SRRT: variants seen among roughly 807,000 people sequenced by gnomAD.
The protein encoded by SRRT is serrate, RNA effector molecule.
SRRT carries 32 observed loss-of-function variants against 103.2 expected under a neutral mutation model. The ratio of observed to expected loss-of-function variants is 0.31; its 90% confidence interval spans 0.23 to 0.42. The LOEUF is 0.42. Ranked by LOEUF, SRRT falls within the 10% of genes least tolerant of loss-of-function variation. SRRT has a pLI of 1.00. For missense variants in SRRT, 986 were observed against 1,207.5 expected, an observed-to-expected ratio of 0.82 and a Z score of 2.72; for synonymous variants, 525 against 449.0, an observed-to-expected ratio of 1.17 and a Z score of -2.14.
In SRRT at chr7:100,885,200, C is replaced by A. The variant is rs202124328; in HGVS notation, c.1160-13C>A. On this transcript the variant is annotated splice_polypyrimidine_tract_variant and intron_variant, in intron 9 of 19. Coordinates refer to ENST00000611405, the MANE Select transcript of SRRT (RefSeq NM_015908.6). The surrounding 1 kb of genome is among the most constrained non-coding windows in gnomAD (Gnocchi z 4.8). ...AAATGCACCAACTCCTTCCTACCCC[C>A]CTTCCTGCCTAGAAGAAGCGCTCAA... 1.1e-5 allele frequency: 17 copies of A among 1,611,576 alleles called. No individual in the cohort carries two copies. The highest frequency in any genetic ancestry group is 8.0e-5 in the African/African-American group (6 of 74,810).
chr7:100,880,801 T>A, intron 2 of SRRT: 1 of 342,972 alleles, frequency 2.9e-6, no homozygotes, highest in Non-Finnish European at 6.0e-6. Context: ...GTGATTCATG[T>A]GGGTCTGGAG....
chr7:100,879,608 A>G (rs1448748260), intron 2 of SRRT, among the ~76,000 whole-genome samples: 1 of 152,156 alleles, frequency 6.6e-6, no homozygotes, highest in African/African-American at 2.4e-5. Flanking sequence ...GTTTTGGAAC[A>G]TTTCGTTTTA....
Position 100,885,634 on chromosome 7 carries a change from G to C in SRRT, c.1318-67G>C. 2 of 1,504,956 alleles carry C rather than the reference G, an allele frequency of 1.3e-6. No homozygotes were observed. The highest frequency in any genetic ancestry group is 1.8e-6 in the Non-Finnish European group (2 of 1,101,830). The allele number at this position is 1,504,956 out of a possible 1,614,324, so 93.2% of individuals were successfully genotyped here. On this transcript the variant is annotated intron_variant, in intron 10 of 19. Coordinates refer to ENST00000611405, the MANE Select transcript of SRRT (RefSeq NM_015908.6). The surrounding 1 kb of genome is among the most constrained non-coding windows in gnomAD (Gnocchi z 4.8). ...TAGTCCCTAGGGTTCTGAGGGCAGT[G>C]GGGGATTGGAGGAAGAAGCGAATGA...
intron 1 of SRRT, 30 bp from the exon 2 acceptor site, chr7:100,875,543 C>T: frequency 6.2e-7 from 1 of 1,610,852 alleles, no homozygotes; most frequent in African/African-American, 1.3e-5. Flanking sequence ...TCCTTTTGCA[C>T]CACTCCTACC....
intron 5 of SRRT, chr7:100,883,155 T>G (rs1282162988): frequency 6.6e-6 from 1 of 152,532 alleles, no homozygotes. Flanking sequence ...GTGGTTCTGT[T>G]CTGTCTTCGC....
At chr7:100,881,851 G>T in intron 4 of SRRT, 46 bp downstream of exon 4, 1 of 1,550,160 alleles carries the variant, frequency 6.5e-7, no homozygotes, top group East Asian at 2.2e-5. Flanking sequence ...CCTGGGGGAT[G>T]GATGGGGTTG....
Position 100,875,289 on chromosome 7 carries a change from C to T in SRRT, c.-58C>T, listed in dbSNP as rs1316891029. On this transcript the variant is annotated 5_prime_UTR_variant, in exon 1 of 20. Transcript: ENST00000611405. ...CGACCCAGGTCGCCCTGAAATCTAG[C>T]CCGTCCGAGCGCGAGTCCAACGGCC... 2.2e-6 allele frequency: 2 copies of T among 918,338 alleles called. No individual in the cohort carries two copies. Among genetic ancestry groups the T allele is most frequent in the Non-Finnish European group, 2.8e-6 (2 of 703,316 alleles). 56.9% of individuals were successfully genotyped at this position (918,338 alleles called of 1,614,324 possible).
chr7:100,887,359 C>T lies in SRRT; in HGVS notation c.2015C>T (p.Pro672Leu), dbSNP rs1478376560. ...AAGACTTTTGAGGAGAAGCTCACGC[C>T]GTTGCTGAGTGTGCGGGAGTCACTC... ...WQKTFEEKLT[P>L]LLSVRESLSE... The change falls in exon 16 of 20, where the codon CCG becomes CTG. Residue 672 changes from proline to leucine, a missense_variant. By Grantham distance (98) the Pro-to-Leu change is moderately conservative. This residue lies in a region of SRRT where 349 missense variants were observed against 446.9 expected (regional missense o/e 0.78). Coordinates refer to ENST00000611405, the MANE Select transcript of SRRT (RefSeq NM_015908.6). This position sits in a 1 kb window ranked among gnomAD's most constrained non-coding sequence, Gnocchi z 4.1. 6.8e-6 allele frequency: 11 copies of T among 1,614,040 alleles called. No homozygotes were observed. The highest frequency in any genetic ancestry group is 1.6e-4 in the Middle Eastern group (1 of 6,084).
chr7:100,875,947 A>G (rs568690789), intron 2 of SRRT: 2 of 487,186 alleles, frequency 4.1e-6, no homozygotes, highest in Non-Finnish European at 7.5e-6. Context: ...ATGAAGAAGC[A>G]CTGTTTATAC....
Position 100,885,736 on chromosome 7 carries a change from G to T in SRRT, c.1353G>T (p.Ala451=). Residue 451 remains alanine (A), a synonymous_variant, in exon 11 of 20, where the codon GCG becomes GCT. Coordinates refer to ENST00000611405, the MANE Select transcript of SRRT (RefSeq NM_015908.6). This position sits in a 1 kb window ranked among gnomAD's most constrained non-coding sequence, Gnocchi z 4.8. ...GGTACCCAGGCTTTATGCGGGTGGC[G>T]CTCTCAGAGCCCCAGCCAGAGAGGA... The part of the protein sequence containing the change: ...CKRYPGFMRV[A]LSEPQPERRF... 2 of 1,613,864 alleles carry T rather than the reference G, an allele frequency of 1.2e-6. No individual in the cohort carries two copies. The highest frequency in any genetic ancestry group is 1.7e-6 in the Non-Finnish European group (2 of 1,179,874).
intron 2 of SRRT, among the ~76,000 whole-genome samples, chr7:100,878,975 T>G (rs1348725474): frequency 2.6e-5 from 4 of 151,982 alleles, no homozygotes; most frequent in African/African-American, 9.7e-5. Flanking sequence ...ATTCTTTCTT[T>G]CAGATGGAGT....
chr7:100,884,210 C>A lies in SRRT; in HGVS notation c.728C>A (p.Ala243Asp), dbSNP rs201947936. Residue 243 changes from alanine to aspartate, a missense_variant, in exon 6 of 20, where the codon GCT becomes GAT. By Grantham distance (126) the Ala-to-Asp change is moderately radical. Coordinates refer to ENST00000611405, the MANE Select transcript of SRRT (RefSeq NM_015908.6). ...FDNLLLDIDK[A>D]DAIVKMLDAA... ...AACCTTCTCCTGGACATAGACAAAG[C>A]TGATGCCATTGTCAAGATGCTGGAT... 3.7e-6 allele frequency: 6 copies of A among 1,614,144 alleles called. No individual in the cohort carries two copies. The highest frequency in any genetic ancestry group is 5.1e-6 in the Non-Finnish European group (6 of 1,180,016).
Position 100,885,367 on chromosome 7 carries a change from C to T in SRRT, c.1314C>T (p.Ile438=), listed in dbSNP as rs143335283. The part of the protein sequence containing the change: ...IAPNISRAEI[I]SLCKRYPGFM... ...CCAACATCTCCCGGGCCGAGATCATCTCCGTGAGTGGGGACCCGTGGAGTC... is the reference window on the plus strand; with the variant it reads ...CCAACATCTCCCGGGCCGAGATCATTTCCGTGAGTGGGGACCCGTGGAGTC... Residue 438 remains isoleucine, a synonymous_variant, in exon 10 of 20, where the codon ATC becomes ATT. Coordinates refer to ENST00000611405, the MANE Select transcript of SRRT (RefSeq NM_015908.6). This position sits in a 1 kb window ranked among gnomAD's most constrained non-coding sequence, Gnocchi z 4.8. The T allele has an allele frequency of 1.2e-6, 2 of 1,612,960 alleles. No homozygotes were observed. Among genetic ancestry groups the T allele is most frequent in the African/African-American group, 1.3e-5 (1 of 74,896 alleles).
chr7:100,879,809 C>G (rs1215473099), intron 2 of SRRT, among the ~76,000 whole-genome samples: 1 of 117,718 alleles, frequency 8.5e-6, no homozygotes, highest in Non-Finnish European at 1.8e-5. Context: ...GAGACTGTCT[C>G]CAAAAAAAAA....
At chr7:100,886,206 G>A (rs759783407) in intron 12 of SRRT, 41 bp from the exon 13 acceptor site, 14 of 1,587,120 alleles carry the variant, frequency 8.8e-6, no homozygotes, top group Non-Finnish European at 1.1e-5. Context: ...TCTGGCAAGC[G>A]GGGTAAGTGG....
chr7:100,875,654 G>A lies in SRRT; in HGVS notation c.64G>A (p.Asp22Asn). The change falls in exon 2 of 20, where the codon GAC becomes AAC. Residue 22 changes from aspartate to asparagine, a missense_variant. This residue lies in a region of SRRT where 274 missense variants were observed against 358.5 expected (regional missense o/e 0.76). Coordinates refer to ENST00000611405, the MANE Select transcript of SRRT (RefSeq NM_015908.6). ...RRDKFRRERS[D>N]YDRSRERDER... ...GGACAAGTTCAGAAGAGAGCGCAGC[G>A]ACTACGACCGTTCCCGCGAGAGAGA... 1 of 1,614,154 alleles carries A rather than the reference G, an allele frequency of 6.2e-7. No individual in the cohort carries two copies. The highest frequency in any genetic ancestry group is 8.5e-7 in the Non-Finnish European group (1 of 1,180,002).
In SRRT at chr7:100,887,588, G is replaced by C; in HGVS notation, c.2169+75G>C. The C allele has an allele frequency of 1.3e-6, 2 of 1,585,656 alleles. No individual in the cohort carries two copies. The highest frequency in any genetic ancestry group is 2.3e-5 in the South Asian group (2 of 86,476). On this transcript the variant is annotated intron_variant, in intron 16 of 19. Coordinates refer to ENST00000611405, the MANE Select transcript of SRRT (RefSeq NM_015908.6). This position sits in a 1 kb window ranked among gnomAD's most constrained non-coding sequence, Gnocchi z 4.1. ...GAGACAGGAAGCCCCCTGGGCAGGGGTGGGGGAACTGCTTACTGCACTGGC... is the reference window on the plus strand; with the variant it reads ...GAGACAGGAAGCCCCCTGGGCAGGGCTGGGGGAACTGCTTACTGCACTGGC...
chr7:100,879,611 T>C (rs1217299791), intron 2 of SRRT, among the ~76,000 whole-genome samples: 1 of 152,184 alleles, frequency 6.6e-6, no homozygotes, highest in East Asian at 1.9e-4. Flanking sequence ...TTGGAACATT[T>C]CGTTTTAATT....
rs761810141 is a variant in SRRT, at chr7:100,886,315, C to T, written c.1527C>T (p.Gly509=). 1 of 1,613,756 alleles carries T rather than the reference C, an allele frequency of 6.2e-7. No individual in the cohort carries two copies. The highest frequency in any genetic ancestry group is 8.5e-7 in the Non-Finnish European group (1 of 1,180,038). The change falls in exon 13 of 20, where the codon GGC becomes GGT. Residue 509 remains glycine, a synonymous_variant. Transcript: ENST00000611405. ...DLTRRVRNIN[G]ITQHKQIVRN... ...CCCGGCGCGTTCGCAACATCAACGG[C>T]ATCACCCAGCACAAGCAGATTGTGC...
Sources: gnomAD v4.1 joint callset for allele counts (sites outside exome capture counted in the v4.1 genomes callset) on GRCh38, gnomAD v4.1.1 for gene constraint, gnomAD v4.1.1 regional missense constraint, Gnocchi (gnomAD v3.1) non-coding constraint, MANE v1.5 for transcripts, NCBI Gene and HGNC (gene_info 2026-07-23, HGNC 2026-07-21) for gene names.